MGMT: variants seen among roughly 807,000 people sequenced by gnomAD.
MGMT encodes the protein methylated-DNA--protein-cysteine methyltransferase.
In MGMT, 14 loss-of-function variants were observed where a neutral mutation model predicts 15.9. The observed-to-expected ratio is 0.88, with a 90% CI of 0.58 to 1.37. The LOEUF is 1.37. Ranked by LOEUF, MGMT falls within the 40% of genes most tolerant of loss-of-function variation. The pLI, the probability that MGMT is intolerant of heterozygous loss-of-function variation, is 0.00. For missense variants in MGMT, 282 were observed against 268.1 expected, an observed-to-expected ratio of 1.05 and a Z score of -0.36; for synonymous variants, 130 against 118.2, an observed-to-expected ratio of 1.10 and a Z score of -0.65.
intron 2 of MGMT, among the ~76,000 whole-genome samples, chr10:129,670,907 A>C (rs1158573038): frequency 6.6e-6 from 1 of 152,218 alleles, no homozygotes; most frequent in Non-Finnish European, 1.5e-5. Context: ...ATCTCAATTT[A>C]CTTGACTTTA....
intron 2 of MGMT, among the ~76,000 whole-genome samples, chr10:129,647,231 C>T (rs946967699): frequency 6.6e-6 from 1 of 152,210 alleles, no homozygotes; most frequent in Non-Finnish European, 1.5e-5. Context: ...CTCACCCGCC[C>T]AGCGTTACAG....
At chr10:129,470,319 T>G (rs1845216152) in intron 1 of MGMT, among the ~76,000 whole-genome samples, 1 of 152,188 alleles carries the variant, frequency 6.6e-6, no homozygotes, top group Admixed American at 6.5e-5. Context: ...TTGCAAGATG[T>G]GTGTTCTGTG....
intron 3 of MGMT, among the ~76,000 whole-genome samples, chr10:129,752,863 A>C (rs1053192423): frequency 3.3e-5 from 5 of 152,160 alleles, no homozygotes; most frequent in African/African-American, 1.2e-4. Context: ...ATAGCCTGTA[A>C]TAGTTTTCCA....
intron 2 of MGMT, among the ~76,000 whole-genome samples, chr10:129,593,057 G>A (rs2133055389): frequency 6.6e-6 from 1 of 152,308 alleles, no homozygotes; most frequent in East Asian, 1.9e-4. Flanking sequence ...ATGCTGCGAG[G>A]TCAGAGAACC....
chr10:129,608,565 CT>C (rs1194289526), intron 2 of MGMT, among the ~76,000 whole-genome samples: 4 of 152,218 alleles, frequency 2.6e-5, no homozygotes, highest in Non-Finnish European at 4.4e-5. Flanking sequence ...TTATCTTACG[CT>C]TAAAAAGTTT....
intron 2 of MGMT, among the ~76,000 whole-genome samples, chr10:129,616,373 C>G (rs903718038): frequency 1.3e-5 from 2 of 152,180 alleles, no homozygotes; most frequent in African/African-American, 4.8e-5. Context: ...CTCAGGATCC[C>G]AGAGCAGGAG....
At chr10:129,642,711 T>G (rs1479447374) in intron 2 of MGMT, among the ~76,000 whole-genome samples, 2 of 152,192 alleles carry the variant, frequency 1.3e-5, no homozygotes, top group Admixed American at 1.3e-4. Flanking sequence ...CTTCCACGTT[T>G]TCTAAGCATT....
At chr10:129,565,157 G>T (rs1846339549) in intron 2 of MGMT, among the ~76,000 whole-genome samples, 1 of 152,228 alleles carries the variant, frequency 6.6e-6, no homozygotes, top group Admixed American at 6.5e-5. Context: ...TGCTCCTCGT[G>T]TGGGGCCCGG....
chr10:129,569,288 C>T (rs487120), intron 2 of MGMT, among the ~76,000 whole-genome samples: 56,101 of 151,032 alleles, frequency 0.37, 11,511 homozygotes, highest in East Asian at 0.61. Flanking sequence ...GTGGTGGGGG[C>T]GGGGGTGAGG....
intron 2 of MGMT, among the ~76,000 whole-genome samples, chr10:129,592,548 A>C (rs1846698986): frequency 6.6e-6 from 1 of 152,230 alleles, no homozygotes; most frequent in African/African-American, 2.4e-5. Flanking sequence ...CCGTGCAGAC[A>C]GTTGATTCGG....
At chr10:129,503,470 T>C (rs1197028319) in intron 1 of MGMT, among the ~76,000 whole-genome samples, 1 of 152,222 alleles carries the variant, frequency 6.6e-6, no homozygotes, top group Non-Finnish European at 1.5e-5. Flanking sequence ...TAGCTTGACT[T>C]GTCGATGAGA....
intron 3 of MGMT, among the ~76,000 whole-genome samples, chr10:129,758,245 G>A (rs1848829377): frequency 6.6e-6 from 1 of 152,162 alleles, no homozygotes; most frequent in Non-Finnish European, 1.5e-5. Context: ...TTGGCACCAA[G>A]TGTAATTAGT....
intron 2 of MGMT, among the ~76,000 whole-genome samples, chr10:129,579,451 C>A (rs771306616): frequency 1.3e-5 from 2 of 152,236 alleles, no homozygotes; most frequent in African/African-American, 4.8e-5. Flanking sequence ...ACTCGGCCTG[C>A]CCCGTTTCTG....
intron 1 of MGMT, among the ~76,000 whole-genome samples, chr10:129,535,923 AATT>A (rs903949226): frequency 1.3e-5 from 2 of 152,150 alleles, no homozygotes; most frequent in African/African-American, 4.8e-5. Flanking sequence ...TAGTTGTGGG[AATT>A]ATTTAAAAGG....
At chr10:129,766,264 A>G (rs1589983527) in intron 4 of MGMT, among the ~76,000 whole-genome samples, 1 of 152,310 alleles carries the variant, frequency 6.6e-6, no homozygotes, top group South Asian at 2.1e-4. Flanking sequence ...GCTGCGTTCC[A>G]GTAAAGCTTC....
chr10:129,667,193 C>T (rs1449105311), intron 2 of MGMT, among the ~76,000 whole-genome samples: 2 of 152,150 alleles, frequency 1.3e-5, no homozygotes, highest in African/African-American at 4.8e-5. Flanking sequence ...AACTCTGCCA[C>T]GTGTTTCTTC....
At chr10:129,723,788 G>A (rs546866049) in intron 3 of MGMT, among the ~76,000 whole-genome samples, 10 of 152,188 alleles carry the variant, frequency 6.6e-5, no homozygotes, top group South Asian at 2.1e-4. Context: ...GAAAGTGCTC[G>A]GCATCATCAG....
In MGMT at chr10:129,687,837, T is replaced by C. The variant is rs1564761585; in HGVS notation, c.126-20058T>C. Among the ~76,000 whole-genome samples the C allele has an allele frequency of 3.3e-5, 5 of 152,082 alleles. No homozygotes were observed. The East Asian group carries it at 5.8e-4, about 18-fold the overall frequency. Reference sequence around the variant, plus strand: ...ACATTAGGTATATCTCCTAATGCTATCCCTCCCCCAGCCCCCCACCCCACA... The same window carrying C: ...ACATTAGGTATATCTCCTAATGCTACCCCTCCCCCAGCCCCCCACCCCACA... On this transcript the variant is annotated intron_variant, in intron 2 of 4. Transcript: ENST00000651593.
intron 2 of MGMT, among the ~76,000 whole-genome samples, chr10:129,667,739 C>T (rs1228378450): frequency 6.6e-6 from 1 of 152,228 alleles, no homozygotes. Context: ...TCTGAGGCTG[C>T]CTGTTGCTCC....
Sources: allele counts gnomAD v4.1 joint callset (sites outside exome capture counted in the v4.1 genomes callset), GRCh38; gene constraint gnomAD v4.1.1; transcripts MANE v1.5; gene names NCBI Gene and HGNC (gene_info 2026-07-23, HGNC 2026-07-21).